TSTD2: variants seen among roughly 807,000 people sequenced by gnomAD.
TSTD2 encodes the protein thiosulfate sulfurtransferase like domain containing 2, also known as thiosulfate sulfurtransferase/rhodanese-like domain-containing protein 2.
Under a neutral mutation model 47.9 loss-of-function variants are expected in TSTD2, and 37 were observed. The ratio of observed to expected loss-of-function variants is 0.77; its 90% confidence interval spans 0.59 to 1.02. The LOEUF (loss-of-function observed/expected upper bound fraction) is 1.02. Among genes scored for constraint, TSTD2 ranks in the 50% least tolerant of loss-of-function variants. The pLI is 0.00. For missense variants in TSTD2, 586 were observed against 616.0 expected (o/e 0.95, Z 0.52); for synonymous variants, 201 against 215.9 (o/e 0.93, Z 0.61).
At chr9:97,625,409 G>A (rs1295299698) in intron 3 of TSTD2, among the ~76,000 whole-genome samples, 2 of 152,148 alleles carry the variant, frequency 1.3e-5, no homozygotes, top group Admixed American at 6.5e-5. Context: ...GCTTTCTGTG[G>A]ATATGTTTTT....
chr9:97,608,744 T>C (rs1202449611), intron 6 of TSTD2, among the ~76,000 whole-genome samples: 1 of 152,228 alleles, frequency 6.6e-6, no homozygotes, highest in African/African-American at 2.4e-5. Context: ...AAAAGCTGTT[T>C]GTAGTCATAC....
Position 97,601,089 on chromosome 9 carries a change from G to T in TSTD2, c.*1380C>A, listed in dbSNP as rs1402056504. 2 of 1,304,290 alleles carry T rather than the reference G, an allele frequency of 1.5e-6. No individual in the cohort carries two copies. The allele number at this position is 1,304,290 out of a possible 1,614,324, so 80.8% of individuals were successfully genotyped here. On this transcript the variant is annotated 3_prime_UTR_variant, in exon 10 of 10. Transcript: ENST00000341170. ...CAGGGTAACTGGAGGCGGGGCCAGG[G>T]CCTCAGCGCTATGGAAGAGTGTCCA...
intron 3 of TSTD2, among the ~76,000 whole-genome samples, chr9:97,625,459 C>T (rs1024556870): frequency 5.9e-5 from 9 of 152,098 alleles, no homozygotes; most frequent in African/African-American, 9.7e-5. Flanking sequence ...GCCACAGGAA[C>T]GATGCATGTT....
Position 97,625,951 on chromosome 9 carries a change from C to A in TSTD2, c.212G>T (p.Ser71Ile). ...CCACAATTTTTCTTTACATTCAAAA[C>A]TCCTTTTTGTTGGAACTTCTTTGGT... ...VKTKEVPTKR[S>I]FECKEKLWKC... The change falls in exon 3 of 10, where the codon AGT (serine) becomes ATT (isoleucine). Residue 71 changes from serine (S) to isoleucine (I), a missense_variant. Ser to Ile is a moderately radical substitution (Grantham distance 142). Coordinates refer to ENST00000341170, the MANE Select transcript of TSTD2 (RefSeq NM_139246.5). 1 of 1,613,468 alleles carries A rather than the reference C, an allele frequency of 6.2e-7. No homozygotes were observed. The highest frequency in any genetic ancestry group is 8.5e-7 in the Non-Finnish European group (1 of 1,179,854).
rs538910387 is a variant in TSTD2, at chr9:97,610,196, T to TA, written c.835+149dup. On this transcript the variant is annotated intron_variant, in intron 6 of 9. Coordinates refer to ENST00000341170, the MANE Select transcript of TSTD2 (RefSeq NM_139246.5). Reference sequence around the variant, plus strand: ...CCCACAGCACCACAGAGAAACAGTATAAGCACTGGATGCAGCCAAGTGTTA... The same window carrying TA: ...CCCACAGCACCACAGAGAAACAGTATAAAGCACTGGATGCAGCCAAGTGTTA... The TA allele has an allele frequency of 3.2e-4, 180 of 571,264 alleles. No homozygotes were observed. The African/African-American group carries it at 3.4e-3, about 11-fold the overall frequency. 35.4% of individuals were successfully genotyped at this position (571,264 alleles called of 1,614,324 possible).
In TSTD2 at chr9:97,601,457, G is replaced by A; in HGVS notation, c.*1012C>T. On this transcript the variant is annotated 3_prime_UTR_variant, in exon 10 of 10. Transcript: ENST00000341170. ...CAGAGAGAACATTTAAAAGCTCAGA[G>A]AGTAAGTGCTGGGGAAAGCAGAGCT... The A allele has an allele frequency of 9.9e-7, 1 of 1,014,468 alleles. No homozygotes were observed. 62.8% of individuals were successfully genotyped at this position (1,014,468 alleles called of 1,614,324 possible).
At chr9:97,615,152 G>A (rs1373357700) in intron 4 of TSTD2, among the ~76,000 whole-genome samples, 1 of 152,218 alleles carries the variant, frequency 6.6e-6, no homozygotes, top group Non-Finnish European at 1.5e-5. Context: ...GGCAGAGCAT[G>A]CTCTAAACTC....
chr9:97,615,191 C>A (rs1051085011), intron 4 of TSTD2, among the ~76,000 whole-genome samples: 1 of 152,258 alleles, frequency 6.6e-6, no homozygotes, highest in African/African-American at 2.4e-5. Flanking sequence ...CCCCAGGATT[C>A]TCTAACAGAA....
intron 3 of TSTD2, among the ~76,000 whole-genome samples, chr9:97,624,359 T>C (rs1826686629): frequency 6.6e-6 from 1 of 151,938 alleles, no homozygotes; most frequent in Non-Finnish European, 1.5e-5. Context: ...GGCCTTTGAC[T>C]AAAAGCCACT....
intron 3 of TSTD2, among the ~76,000 whole-genome samples, chr9:97,624,335 C>A (rs1264539836): frequency 6.6e-6 from 1 of 152,090 alleles, no homozygotes; most frequent in Non-Finnish European, 1.5e-5. Context: ...GAGACCCCCA[C>A]AGAGAGGAAT....
chr9:97,614,671 C>CTA (rs1826514919), intron 4 of TSTD2, among the ~76,000 whole-genome samples: 1 of 152,076 alleles, frequency 6.6e-6, no homozygotes, highest in Non-Finnish European at 1.5e-5. Context: ...GAAGAGCACT[C>CTA]TAGAGAGGAA....
chr9:97,633,060 G>A (rs1032856043), intron 1 of TSTD2, among the ~76,000 whole-genome samples, 183 bp downstream of exon 1: 19 of 152,252 alleles, frequency 1.2e-4, no homozygotes, highest in Non-Finnish European at 2.5e-4. Context: ...GGAAAATGAC[G>A]GCCAGCCGGC....
intron 4 of TSTD2, among the ~76,000 whole-genome samples, chr9:97,612,735 T>C (rs1826478658): frequency 6.6e-6 from 1 of 152,254 alleles, no homozygotes; most frequent in Non-Finnish European, 1.5e-5. Flanking sequence ...TTCGTATTTT[T>C]AGTAGAGACG....
In TSTD2 at chr9:97,621,620, G is replaced by A. The variant is rs570096927; in HGVS notation, c.483-3743C>T. Among the ~76,000 whole-genome samples, 56 of 152,290 alleles carry A rather than the reference G, an allele frequency of 3.7e-4. No individual in the cohort carries two copies. The South Asian group carries it at 5.4e-3, about 15-fold the overall frequency. On this transcript the variant is annotated intron_variant, in intron 3 of 9. Transcript: ENST00000341170. Reference sequence around the variant, plus strand: ...CACTCTGGGGGTGTCTGCCTTATGCGGTTGAAGATGAGGGATGAAATACGC... The same window carrying A: ...CACTCTGGGGGTGTCTGCCTTATGCAGTTGAAGATGAGGGATGAAATACGC...
intron 4 of TSTD2, 116 bp downstream of exon 4, chr9:97,617,641 C>T: frequency 1.5e-6 from 2 of 1,325,676 alleles, no homozygotes; most frequent in South Asian, 1.9e-5. Flanking sequence ...GCAGAATTTC[C>T]CTAACTTTTA....
At position 97,600,361 on chromosome 9, in the gene TSTD2, C is replaced by T. The variant is rs2131301043; in HGVS notation, c.*2108G>A. The stretch of plus-strand genomic sequence containing the variant: ...GAAATTTCAAGTTTCAAAAACCAAC[C>T]TTTCATTACCAATCCCAGGCAACAA... On this transcript the variant is annotated 3_prime_UTR_variant, in exon 10 of 10. Transcript: ENST00000341170. The T allele has an allele frequency of 1.0e-6, 1 of 986,050 alleles. No homozygotes were observed. Among genetic ancestry groups the T allele is most frequent in the East Asian group, 1.1e-4 (1 of 8,814 alleles). 61.1% of individuals were successfully genotyped at this position (986,050 alleles called of 1,614,324 possible).
intron 1 of TSTD2, among the ~76,000 whole-genome samples, chr9:97,629,371 C>T (rs779624668): frequency 6.6e-6 from 1 of 152,180 alleles, no homozygotes; most frequent in Non-Finnish European, 1.5e-5. Flanking sequence ...ACCTTTGTTC[C>T]TTGGATTCAT....
Position 97,600,617 on chromosome 9 carries a change from C to T in TSTD2, c.*1852G>A. 1 of 986,916 alleles carries T rather than the reference C, an allele frequency of 1.0e-6. No homozygotes were observed. Among genetic ancestry groups the T allele is most frequent in the African/African-American group, 1.7e-5 (1 of 57,332 alleles). 61.1% of individuals were successfully genotyped at this position (986,916 alleles called of 1,614,324 possible). On this transcript the variant is annotated 3_prime_UTR_variant, in exon 10 of 10. Coordinates refer to ENST00000341170, the MANE Select transcript of TSTD2 (RefSeq NM_139246.5). ...CATGGCTATGGTATTTAGTAATGGC[C>T]CAGCTTAGAGACTTCAGCTACTGAT...
intron 6 of TSTD2, 21 bp downstream of exon 6, chr9:97,610,325 A>G (rs1282640932): frequency 1.3e-6 from 2 of 1,593,448 alleles, no homozygotes; most frequent in South Asian, 1.1e-5. Context: ...TTAAAGCACA[A>G]TCTTCTAAAA....
Sources: allele counts gnomAD v4.1 joint callset (sites outside exome capture counted in the v4.1 genomes callset), GRCh38; gene constraint gnomAD v4.1.1; transcripts MANE v1.5; gene names NCBI Gene and HGNC (gene_info 2026-07-23, HGNC 2026-07-21).